The following GUCY2C variants were observed in gnomAD, a reference collection of about 807,000 sequenced individuals.
The protein encoded by GUCY2C is guanylate cyclase 2C, also known as guanylyl cyclase C.
GUCY2C carries 118 observed loss-of-function variants against 131.1 expected under a neutral mutation model. The ratio of observed to expected loss-of-function variants is 0.90; its 90% CI spans 0.78 to 1.05. GUCY2C has a LOEUF of 1.05. GUCY2C is among the 50% of genes least tolerant of loss of function. GUCY2C has a pLI of 0.00. For missense variants in GUCY2C, 1,161 were observed against 1,304.4 expected (o/e 0.89, Z 1.69); for synonymous variants, 452 against 457.8 (o/e 0.99, Z 0.16).
In GUCY2C at chr12:14,672,942, C is replaced by T. The variant is rs552241443; in HGVS notation, c.1101G>A (p.Val367=). ...CAACATCCCCCCAGTCATCCAAGGTCACTGGACCGTCATACCCTAGGGCAA... is the reference window on the plus strand; with the variant it reads ...CAACATCCCCCCAGTCATCCAAGGTTACTGGACCGTCATACCCTAGGGCAA... ...NLTFEGYDGP[V]TLDDWGDVDS... is the part of the protein sequence containing the mutation. Residue 367 remains valine, a synonymous_variant, in exon 9 of 27, where the codon GTG becomes GTA. Coordinates refer to ENST00000261170, the MANE Select transcript of GUCY2C (RefSeq NM_004963.4). 9 of 1,602,622 alleles carry T rather than the reference C, an allele frequency of 5.6e-6. No homozygotes were observed. Among genetic ancestry groups the T allele is most frequent in the Non-Finnish European group, 7.7e-6 (9 of 1,169,688 alleles).
intron 19 of GUCY2C, among the ~76,000 whole-genome samples, chr12:14,631,434 A>C (rs1195356457): frequency 7.3e-6 from 1 of 137,642 alleles, no homozygotes; most frequent in Non-Finnish European, 1.5e-5. Context: ...TCCTGTGTCC[A>C]TGTGTTCTCA....
chr12:14,628,656 T>C lies in GUCY2C; in HGVS notation c.2239A>G (p.Lys747Glu). 6.5e-7 allele frequency: 1 copy of C among 1,534,840 alleles called. No homozygotes were observed. Among genetic ancestry groups the C allele is most frequent in the Non-Finnish European group, 9.0e-7 (1 of 1,107,948 alleles). Reference sequence around the variant, plus strand: ...ACATTTCAGCAATACCCAAATATCTTGGCAAGTGTAGTCTCAATTTTTTTG... The same window carrying C: ...ACATTTCAGCAATACCCAAATATCTCGGCAAGTGTAGTCTCAATTTTTTTG... ...DFKKIETTLA[K>E]IFGLFHDQKN... is the part of the protein sequence containing the mutation. The change falls in exon 20 of 27, where the codon AAG (lysine) becomes GAG (glutamate). Residue 747 changes from lysine to glutamate, a missense_variant. By Grantham distance (56) the Lys-to-Glu change is moderately conservative (BLOSUM62 1). Coordinates refer to ENST00000261170, the MANE Select transcript of GUCY2C (RefSeq NM_004963.4).
chr12:14,682,812 A>G (rs990165191), intron 4 of GUCY2C, among the ~76,000 whole-genome samples: 1 of 152,226 alleles, frequency 6.6e-6, no homozygotes, highest in African/African-American at 2.4e-5. Flanking sequence ...ATGTGAACGT[A>G]CTTTCAAAAC....
chr12:14,671,808 A>G (rs1019284047), intron 9 of GUCY2C, among the ~76,000 whole-genome samples: 2 of 152,234 alleles, frequency 1.3e-5, no homozygotes, highest in Admixed American at 6.5e-5. Context: ...TGTAATCGCT[A>G]TTAGTAACTG....
At chr12:14,628,053 C>T (rs185333702) in intron 20 of GUCY2C, among the ~76,000 whole-genome samples, 1 of 152,292 alleles carries the variant, frequency 6.6e-6, no homozygotes, top group African/African-American at 2.4e-5. Flanking sequence ...CCACAGCAAA[C>T]TCTTATCAGA....
At chr12:14,651,305 T>A in intron 15 of GUCY2C, 102 bp downstream of exon 15, 1 of 632,832 alleles carries the variant, frequency 1.6e-6, no homozygotes, top group Middle Eastern at 3.7e-4. Context: ...CCACCAACTT[T>A]CCCTGATTTT....
intron 6 of GUCY2C, among the ~76,000 whole-genome samples, chr12:14,677,855 C>T (rs10772801): frequency 0.71 from 107,851 of 151,694 alleles, 41,383 homozygotes; most frequent in Non-Finnish European, 0.86. Flanking sequence ...GCTGGGATTA[C>T]AGGTGTGAGC....
In GUCY2C at chr12:14,681,383, A is replaced by G; in HGVS notation, c.706T>C (p.Leu236=). The change falls in exon 5 of 27, where the codon TTA becomes CTA. Residue 236 remains leucine, a synonymous_variant. Transcript: ENST00000261170. ...TTGCTTTTCCTGTTGTGGTCCATTAAGATATCCTGAAACTCCTTATCTTGT... is the reference window on the plus strand; with the variant it reads ...TTGCTTTTCCTGTTGTGGTCCATTAGGATATCCTGAAACTCCTTATCTTGT... ...LRQDKEFQDI[L]MDHNRKSNVI... is the part of the protein sequence containing the mutation. The G allele has an allele frequency of 6.2e-7, 1 of 1,612,888 alleles. No individual in the cohort carries two copies. Among genetic ancestry groups the G allele is most frequent in the Non-Finnish European group, 8.5e-7 (1 of 1,178,978 alleles).
At chr12:14,650,574 C>G (rs985831987) in intron 15 of GUCY2C, among the ~76,000 whole-genome samples, 1 of 152,120 alleles carries the variant, frequency 6.6e-6, no homozygotes, top group African/African-American at 2.4e-5. Context: ...GAACTTTTAC[C>G]TTAGCACCAT....
In GUCY2C at chr12:14,613,663, T is replaced by A. The variant is rs1392708373; in HGVS notation, c.3048-372A>T. 6.6e-6 allele frequency among the ~76,000 whole-genome samples: 1 copy of A among 152,022 alleles called. No homozygotes were observed. The highest frequency in any genetic ancestry group is 2.4e-5 in the African/African-American group (1 of 41,402). ...CACACATACTTAACAGTGTGAGTCT[T>A]GTTTGGGGAAGGCTTAGAATGGTGG... On this transcript the variant is annotated intron_variant, in intron 26 of 26. Transcript: ENST00000261170. This position sits in a 1 kb window ranked among gnomAD's most constrained non-coding sequence, Gnocchi z 4.9.
chr12:14,680,894 G>A (rs888894528), intron 5 of GUCY2C, among the ~76,000 whole-genome samples: 1 of 152,134 alleles, frequency 6.6e-6, no homozygotes, highest in Admixed American at 6.6e-5. Context: ...GAAGGAATAG[G>A]AAAGTGAGAT....
intron 23 of GUCY2C, among the ~76,000 whole-genome samples, chr12:14,620,549 C>T (rs1340003755): frequency 6.6e-6 from 1 of 152,136 alleles, no homozygotes; most frequent in Non-Finnish European, 1.5e-5. Flanking sequence ...CTTTCATGGT[C>T]TTTGAAAGTG....
chr12:14,641,262 G>C (rs756386041), intron 17 of GUCY2C, 43 bp from the exon 18 acceptor site: 2 of 1,602,326 alleles, frequency 1.2e-6, no homozygotes, highest in Admixed American at 3.3e-5. Context: ...AGGGGGGTGA[G>C]TGGTTCATAG....
intron 21 of GUCY2C, among the ~76,000 whole-genome samples, chr12:14,622,457 T>C (rs1946916407): frequency 6.6e-6 from 1 of 152,246 alleles, no homozygotes; most frequent in African/African-American, 2.4e-5. Flanking sequence ...TTAATCCTAA[T>C]ACACATAAAT....
chr12:14,679,229 C>T (rs1316675572), intron 6 of GUCY2C, among the ~76,000 whole-genome samples: 1 of 152,058 alleles, frequency 6.6e-6, no homozygotes, highest in Non-Finnish European at 1.5e-5. Flanking sequence ...TTTTTCCTTT[C>T]TTTCTTTTTT....
At chr12:14,645,396 T>C in intron 15 of GUCY2C, 81 bp from the exon 16 acceptor site, 1 of 694,716 alleles carries the variant, frequency 1.4e-6, no homozygotes, top group Non-Finnish European at 2.5e-6. Flanking sequence ...CAAATAATGA[T>C]CTTCAAATTA....
intron 7 of GUCY2C, among the ~76,000 whole-genome samples, chr12:14,676,532 T>C (rs1254113587): frequency 6.6e-6 from 1 of 152,234 alleles, no homozygotes; most frequent in East Asian, 1.9e-4. Context: ...CTATTTTAAG[T>C]GTAAGATTGA....
At chr12:14,625,661 C>T in intron 21 of GUCY2C, 96 bp downstream of exon 21, 1 of 1,286,338 alleles carries the variant, frequency 7.8e-7, no homozygotes, top group Non-Finnish European at 1.1e-6. Flanking sequence ...CAATAATCTA[C>T]TGAAGAATAT....
chr12:14,669,267 CAA>C (rs1175546464), intron 10 of GUCY2C, among the ~76,000 whole-genome samples: 1 of 147,814 alleles, frequency 6.8e-6, no homozygotes, highest in African/African-American at 2.5e-5. Flanking sequence ...TGCAGTAGAA[CAA>C]AGATAGCTCA....
Sources: allele counts gnomAD v4.1 joint callset (sites outside exome capture counted in the v4.1 genomes callset), GRCh38; gene constraint gnomAD v4.1.1; non-coding constraint Gnocchi (gnomAD v3.1); transcripts MANE v1.5; gene names NCBI Gene and HGNC (gene_info 2026-07-23, HGNC 2026-07-21).